RFX2: variants seen among roughly 807,000 people sequenced by gnomAD.
RFX2 encodes regulatory factor X2, also known as DNA-binding protein RFX2.
In RFX2, 20 loss-of-function variants were observed where a neutral mutation model predicts 87.8. The observed-to-expected ratio is 0.23, with a 90% CI of 0.16 to 0.33. The LOEUF is 0.33. RFX2 is among the 10% of genes least tolerant of loss of function. The probability of loss-of-function intolerance (pLI) is 1.00; values close to 1 mark genes in which losing one functional copy is unlikely to be tolerated. For missense variants in RFX2, 767 were observed against 1,012.3 expected (o/e 0.76, Z 3.29); for synonymous variants, 397 against 431.3 (o/e 0.92, Z 0.98).
intron 1 of RFX2, among the ~76,000 whole-genome samples, chr19:6,082,141 G>A (rs2087793489): frequency 6.6e-6 from 1 of 151,886 alleles, no homozygotes; most frequent in South Asian, 2.1e-4. Flanking sequence ...AATTATCTGG[G>A]TGTGGTGGTG....
chr19:6,058,582 T>C (rs2144802097), intron 1 of RFX2, among the ~76,000 whole-genome samples: 1 of 149,436 alleles, frequency 6.7e-6, no homozygotes, highest in South Asian at 2.1e-4. Context: ...GGGGTGCCCG[T>C]CATTCCTCAC....
intron 1 of RFX2, among the ~76,000 whole-genome samples, chr19:6,075,145 C>T (rs2087672644): frequency 6.6e-6 from 1 of 152,204 alleles, no homozygotes; most frequent in Non-Finnish European, 1.5e-5. Flanking sequence ...AGACTTCCCA[C>T]CTCCAGGGCT....
At position 6,029,043 on chromosome 19, in the gene RFX2, C is replaced by T. The variant is rs184993515; in HGVS notation, c.523-2806G>A. ...GCAGTGAGCCAAGATCACACCATTG[C>T]ACTCCAGCCTGGCCAACAGAGTGAG... On this transcript the variant is annotated intron_variant, in intron 5 of 17. Coordinates refer to ENST00000303657, the MANE Select transcript of RFX2 (RefSeq NM_000635.4). 6.0e-5 allele frequency among the ~76,000 whole-genome samples: 9 copies of T among 150,734 alleles called. No homozygotes were observed. The East Asian group carries it at 1.8e-3, about 29-fold the overall frequency.
intron 3 of RFX2, among the ~76,000 whole-genome samples, chr19:6,043,225 G>A (rs952278688): frequency 2.0e-5 from 3 of 152,210 alleles, no homozygotes; most frequent in Admixed American, 6.5e-5. Flanking sequence ...TCCTCTCCTT[G>A]GTGTCTCTGG....
chr19:6,010,291 C>T lies in RFX2; in HGVS notation c.900-40G>A, dbSNP rs1343886991. On this transcript the variant is annotated intron_variant, in intron 8 of 17. Transcript: ENST00000303657. This position sits in a 1 kb window ranked among gnomAD's most constrained non-coding sequence, Gnocchi z 5.0. ...CGCATACCATCATGAGGCCCAGCAG[C>T]CCTGCTGCGGGTGGGCCCAAAGACT... 3 of 1,388,650 alleles carry T rather than the reference C, an allele frequency of 2.2e-6. No homozygotes were observed. The highest frequency in any genetic ancestry group is 2.0e-5 in the Admixed American group (1 of 50,696). 86.0% of individuals were successfully genotyped at this position (1,388,650 alleles called of 1,614,324 possible).
chr19:6,002,638 G>T lies in RFX2; in HGVS notation c.1650+83C>A. ...AGGCTCGGGGCAGGGGCCAGGTTGT[G>T]CCACGGGCTCCACTTGGTGGGTTTG... On this transcript the variant is annotated intron_variant, in intron 14 of 17. Transcript: ENST00000303657. This position sits in a 1 kb window ranked among gnomAD's most constrained non-coding sequence, Gnocchi z 6.7. The T allele has an allele frequency of 6.5e-7, 1 of 1,548,184 alleles. No homozygotes were observed.
chr19:6,007,749 C>T lies in RFX2; in HGVS notation c.1188G>A (p.Trp396Ter), dbSNP rs1436692714. Residue 396 changes from tryptophan to a stop codon, truncating the protein, a stop_gained, in exon 11 of 18, where the codon TGG (tryptophan) becomes TGA (stop). Coordinates refer to ENST00000303657, the MANE Select transcript of RFX2 (RefSeq NM_000635.4). LOFTEE classifies it high-confidence loss of function. This position sits in a 1 kb window ranked among gnomAD's most constrained non-coding sequence, Gnocchi z 8.2. ...NLQFHYIEKL[W>*]LSFWNSKASS... is the part of the protein sequence containing the mutation. Reference sequence around the variant, plus strand: ...AGGCCTTAGAGTTCCAGAAGGAGAGCCACAGCTTCTCGATGTAGTGGAACT... The same window carrying T: ...AGGCCTTAGAGTTCCAGAAGGAGAGTCACAGCTTCTCGATGTAGTGGAACT... 6.4e-7 allele frequency: 1 copy of T among 1,556,516 alleles called. No homozygotes were observed. Among genetic ancestry groups the T allele is most frequent in the Non-Finnish European group, 8.7e-7 (1 of 1,149,108 alleles).
intron 5 of RFX2, among the ~76,000 whole-genome samples, chr19:6,029,022 T>C (rs2086923258): frequency 6.7e-6 from 1 of 150,050 alleles, no homozygotes; most frequent in Non-Finnish European, 1.5e-5. Context: ...GAGATTGCAG[T>C]GAGCCAAGAT....
At chr19:6,076,126 G>C (rs1568186373) in intron 1 of RFX2, among the ~76,000 whole-genome samples, 1 of 152,270 alleles carries the variant, frequency 6.6e-6, no homozygotes, top group East Asian at 1.9e-4. Context: ...GATCACTTGA[G>C]GTCATGAGTT....
chr19:6,071,227 T>C (rs983420297), intron 1 of RFX2, among the ~76,000 whole-genome samples: 1 of 152,212 alleles, frequency 6.6e-6, no homozygotes, highest in East Asian at 1.9e-4. Context: ...TTATGCAAGA[T>C]TGCAAGGAAA....
chr19:6,025,328 T>G (rs985386996), intron 6 of RFX2, among the ~76,000 whole-genome samples: 1 of 152,174 alleles, frequency 6.6e-6, no homozygotes, highest in African/African-American at 2.4e-5. Context: ...GATCACGGTC[T>G]TCTCCCAAGA....
In RFX2 at chr19:6,022,788, C is replaced by A. The variant is rs2086834273; in HGVS notation, c.597+3375G>T. On this transcript the variant is annotated intron_variant, in intron 6 of 17. Transcript: ENST00000303657. The surrounding 1 kb of genome is among the most constrained non-coding windows in gnomAD (Gnocchi z 6.2). ...CTGGAAGGTTCTTCCAATGTGCAGA[C>A]CTCCAGGCCCTGCAGACCCCCTGGG... 6.6e-6 allele frequency among the ~76,000 whole-genome samples: 1 copy of A among 152,234 alleles called. No homozygotes were observed. Among genetic ancestry groups the A allele is most frequent in the South Asian group, 2.1e-4 (1 of 4,832 alleles).
intron 6 of RFX2, among the ~76,000 whole-genome samples, chr19:6,018,952 T>A (rs575617459): frequency 1.3e-5 from 2 of 152,268 alleles, no homozygotes; most frequent in Admixed American, 1.3e-4. Flanking sequence ...ATCACTCAAG[T>A]AGCCTATCAC....
At chr19:6,036,532 A>G (rs2087026968) in intron 5 of RFX2, among the ~76,000 whole-genome samples, 1 of 152,188 alleles carries the variant, frequency 6.6e-6, no homozygotes, top group Admixed American at 6.5e-5. Context: ...CTAAACCACC[A>G]CCTTCTATCT....
intron 1 of RFX2, among the ~76,000 whole-genome samples, chr19:6,108,889 C>A (rs2088262810): frequency 6.6e-6 from 1 of 151,878 alleles, no homozygotes; most frequent in Non-Finnish European, 1.5e-5. Context: ...ATCGGGAAAT[C>A]CAACTTTCCC....
At chr19:6,108,040 G>T (rs2088248261) in intron 1 of RFX2, among the ~76,000 whole-genome samples, 1 of 152,236 alleles carries the variant, frequency 6.6e-6, no homozygotes, top group South Asian at 2.1e-4. Flanking sequence ...TTATAAGAAA[G>T]AACTTAAAAA....
chr19:6,014,433 T>G (rs752761221), intron 7 of RFX2, among the ~76,000 whole-genome samples: 1 of 152,114 alleles, frequency 6.6e-6, no homozygotes, highest in Non-Finnish European at 1.5e-5. Context: ...GGGACGGGGA[T>G]TCACCATGTT....
At position 6,016,793 on chromosome 19, in the gene RFX2, A is replaced by C. The variant is rs1247625457; in HGVS notation, c.598-522T>G. 6.6e-6 allele frequency among the ~76,000 whole-genome samples: 1 copy of C among 152,186 alleles called. No homozygotes were observed. The highest frequency in any genetic ancestry group is 1.5e-5 in the Non-Finnish European group (1 of 68,034). On this transcript the variant is annotated intron_variant, in intron 6 of 17. Transcript: ENST00000303657. This position sits in a 1 kb window ranked among gnomAD's most constrained non-coding sequence, Gnocchi z 5.4. ...TTCTTTCATGTTTAGCCTGGTTTTC[A>C]GGTTCCTGGACTTAATTTGTAAACA...
rs535914814 is a variant in RFX2 at position 6,063,048 on chromosome 19, G to T, written c.-8-15544C>A. 4.6e-5 allele frequency among the ~76,000 whole-genome samples: 7 copies of T among 152,270 alleles called. No individual in the cohort carries two copies. The East Asian group carries it at 1.3e-3, about 29-fold the overall frequency. ...TCACCCACATCCCCTCCCGTGAGCTGCTGTGTCTCGTATCCCTCCTGTCCT... is the reference window on the plus strand; with the variant it reads ...TCACCCACATCCCCTCCCGTGAGCTTCTGTGTCTCGTATCCCTCCTGTCCT... On this transcript the variant is annotated intron_variant, in intron 1 of 17. Transcript: ENST00000303657. This position sits in a 1 kb window ranked among gnomAD's most constrained non-coding sequence, Gnocchi z 4.0.
Sources: allele counts gnomAD v4.1 joint callset (sites outside exome capture counted in the v4.1 genomes callset), GRCh38; gene constraint gnomAD v4.1.1; non-coding constraint Gnocchi (gnomAD v3.1); transcripts MANE v1.5; gene names NCBI Gene and HGNC (gene_info 2026-07-23, HGNC 2026-07-21).